The following KYAT3 variants were observed in gnomAD, a reference collection of about 807,000 sequenced individuals.
KYAT3 encodes the protein kynurenine--oxoglutarate transaminase 3.
A neutral mutation model predicts 59.0 loss-of-function variants in KYAT3; 50 were observed. The ratio of observed to expected loss-of-function variants is 0.85; its 90% CI spans 0.68 to 1.07. KYAT3 has a LOEUF of 1.07. KYAT3 is among the 50% of genes least tolerant of loss of function. The probability of loss-of-function intolerance (pLI) is 0.00; values close to 1 mark genes in which losing one functional copy is unlikely to be tolerated. For synonymous variants in KYAT3, 148 were observed against 177.0 expected, an observed-to-expected ratio of 0.84 and a Z score of 1.30; for missense variants, 497 against 533.3, an observed-to-expected ratio of 0.93 and a Z score of 0.67.
At chr1:88,977,940 A>G (rs1390094865) in intron 2 of KYAT3, among the ~76,000 whole-genome samples, 1 of 152,192 alleles carries the variant, frequency 6.6e-6, no homozygotes, top group African/African-American at 2.4e-5. Context: ...GCAATAGTCT[A>G]TGCCATATAG....
the KYAT3 span, among the ~76,000 whole-genome samples, chr1:88,927,330 A>G: frequency 2.0e-5 from 3 of 152,158 alleles, no homozygotes; most frequent in Admixed American, 6.5e-5. Context: ...GCCTGGCCAC[A>G]ATATCCTCTT....
intron 9 of KYAT3, among the ~76,000 whole-genome samples, chr1:88,954,595 A>G (rs17130664): frequency 0.032 from 4,944 of 152,284 alleles, 242 homozygotes; most frequent in African/African-American, 0.11. Flanking sequence ...TCATTAGTTG[A>G]TCACTTATAA....
chr1:88,965,394 T>C (rs1387877906), intron 4 of KYAT3, among the ~76,000 whole-genome samples: 1 of 152,190 alleles, frequency 6.6e-6, no homozygotes, highest in Non-Finnish European at 1.5e-5. Flanking sequence ...GCTGGAGAGA[T>C]GGTTATGCCA....
At chr1:88,943,473 C>T (rs1342804337) in intron 11 of KYAT3, 50 bp from the exon 12 acceptor site, 1 of 883,792 alleles carries the variant, frequency 1.1e-6, no homozygotes, top group Non-Finnish European at 1.8e-6. Flanking sequence ...TCTGATGCAA[C>T]ATGTATTTCA....
At chr1:88,981,412 A>G (rs1261373969) in intron 2 of KYAT3, 1 of 152,534 alleles carries the variant, frequency 6.6e-6, no homozygotes, top group East Asian at 1.9e-4. Context: ...ATCTGTGTAA[A>G]GGACCACGAG....
At chr1:88,928,326 AC>A in the KYAT3 span, among the ~76,000 whole-genome samples, 2 of 151,952 alleles carry the variant, frequency 1.3e-5, no homozygotes, top group Non-Finnish European at 2.9e-5. Context: ...ACCCTATTGA[AC>A]TTGGCAACGT....
At chr1:88,976,144 G>A (rs1043177867) in intron 2 of KYAT3, among the ~76,000 whole-genome samples, 1 of 152,028 alleles carries the variant, frequency 6.6e-6, no homozygotes, top group Non-Finnish European at 1.5e-5. Flanking sequence ...GGATCACAAG[G>A]TCAGGAGTTC....
intron 13 of KYAT3, among the ~76,000 whole-genome samples, chr1:88,939,323 C>T (rs1245533938): frequency 6.6e-6 from 1 of 151,998 alleles, no homozygotes; most frequent in Non-Finnish European, 1.5e-5. Flanking sequence ...ATGTTTTTGT[C>T]ATTCTTTGAT....
intron 2 of KYAT3, chr1:88,982,611 T>G: frequency 6.5e-7 from 1 of 1,546,434 alleles, no homozygotes; most frequent in Admixed American, 2.1e-5. Context: ...CTCTTTTTTT[T>G]GTTTCTTTGA....
intron 2 of KYAT3, among the ~76,000 whole-genome samples, chr1:88,984,676 T>C (rs547051828): frequency 3.3e-5 from 5 of 152,240 alleles, no homozygotes; most frequent in African/African-American, 7.2e-5. Flanking sequence ...GGGGAAAAAA[T>C]TGTACTTCAA....
intron 2 of KYAT3, among the ~76,000 whole-genome samples, chr1:88,970,112 T>C (rs1005301490): frequency 1.3e-5 from 2 of 152,208 alleles, no homozygotes; most frequent in Non-Finnish European, 2.9e-5. Context: ...AAAAAATATC[T>C]TAAGCCATGC....
intron 8 of KYAT3, among the ~76,000 whole-genome samples, chr1:88,958,997 G>A (rs1207685240): frequency 1.3e-5 from 2 of 152,172 alleles, no homozygotes; most frequent in African/African-American, 2.4e-5. Flanking sequence ...TCAAACTGAG[G>A]CGAGGTTCTA....
chr1:88,978,196 C>T (rs1329652494), intron 2 of KYAT3, among the ~76,000 whole-genome samples: 2 of 152,180 alleles, frequency 1.3e-5, no homozygotes, highest in Non-Finnish European at 2.9e-5. Context: ...ACTTGTACCA[C>T]TTCCTAAGTG....
chr1:88,950,844 C>T lies in KYAT3; in HGVS notation c.955-1567G>A, dbSNP rs147321921. On this transcript the variant is annotated intron_variant, in intron 10 of 13. Transcript: ENST00000260508. ...AAGTCACTCCTGAGTTCAAAACTCT[C>T]TAGTGACTTCCTATCTCACTCAGTC... Among the ~76,000 whole-genome samples the T allele has an allele frequency of 2.2e-3, 337 of 152,328 alleles. 1 individual carries two copies. Among genetic ancestry groups the T allele is most frequent in the Non-Finnish European group, 2.8e-3 (191 of 68,034 alleles).
intron 2 of KYAT3, chr1:88,982,278 T>G (rs1190151135): frequency 1.7e-5 from 11 of 666,524 alleles, no homozygotes; most frequent in Middle Eastern, 7.5e-4. Flanking sequence ...GCAGAATGAT[T>G]CATCTCTCCA....
chr1:88,983,993 G>A (rs1677284416), intron 2 of KYAT3: 3 of 577,962 alleles, frequency 5.2e-6, no homozygotes, highest in Middle Eastern at 4.1e-4. Context: ...TTTAAGGTAT[G>A]GCTATCCATT....
At position 88,942,591 on chromosome 1, in the gene KYAT3, C is replaced by T. The variant is rs545959098; in HGVS notation, c.1302+414G>A. The stretch of plus-strand genomic sequence containing the variant: ...TTAATTTTTTTTTTTGAGACGGAGT[C>T]GCGCTCTGTTGCCCAGGCTGGAGTG... On this transcript the variant is annotated intron_variant, in intron 13 of 13. Transcript: ENST00000260508. Among the ~76,000 whole-genome samples, 7 of 151,702 alleles carry T rather than the reference C, an allele frequency of 4.6e-5. No homozygotes were observed. The South Asian group carries it at 1.2e-3, about 27-fold the overall frequency.
chr1:88,969,552 C>T (rs1037883541), intron 2 of KYAT3, 85 bp from the exon 3 acceptor site: 1 of 726,484 alleles, frequency 1.4e-6, no homozygotes, highest in Admixed American at 2.3e-5. Flanking sequence ...CTTCCTTTTC[C>T]CTACTGTTAC....
downstream of KYAT3, among the ~76,000 whole-genome samples, chr1:88,931,126 C>T (rs1674898425): frequency 6.6e-6 from 1 of 152,130 alleles, no homozygotes; most frequent in Non-Finnish European, 1.5e-5. Context: ...TAAAACCCTT[C>T]ACCAAACCTT....
Sources: gnomAD v4.1 joint callset for allele counts (sites outside exome capture counted in the v4.1 genomes callset) on GRCh38, gnomAD v4.1.1 for gene constraint, MANE v1.5 for transcripts, NCBI Gene and HGNC (gene_info 2026-07-23, HGNC 2026-07-21) for gene names.